The following SLC24A4 variants were observed in gnomAD, a reference collection of about 807,000 sequenced individuals.
SLC24A4 encodes the protein sodium/potassium/calcium exchanger 4.
SLC24A4 carries 53 observed loss-of-function variants against 79.0 expected under a neutral mutation model. The observed-to-expected ratio is 0.67, with a 90% CI of 0.54 to 0.84. SLC24A4 has a LOEUF of 0.84. Ranked by LOEUF, SLC24A4 falls within the 40% of genes least tolerant of loss-of-function variation. The probability of loss-of-function intolerance (pLI) is 0.00; values close to 1 mark genes in which losing one functional copy is unlikely to be tolerated. For missense variants in SLC24A4, 731 were observed against 822.0 expected, an observed-to-expected ratio of 0.89 and a Z score of 1.35; for synonymous variants, 323 against 323.8, an observed-to-expected ratio of 1.00 and a Z score of 0.03.
intron 2 of SLC24A4, among the ~76,000 whole-genome samples, chr14:92,399,279 C>T (rs1161649145): frequency 6.6e-6 from 1 of 152,170 alleles, no homozygotes; most frequent in Non-Finnish European, 1.5e-5. Flanking sequence ...GGCCGAGTCT[C>T]ACCTTGATTT....
In SLC24A4 at chr14:92,398,917, C is replaced by T. The variant is rs1026378465; in HGVS notation, c.242-34995C>T. Among the ~76,000 whole-genome samples the T allele has an allele frequency of 3.9e-5, 6 of 152,156 alleles. No individual in the cohort carries two copies. The highest frequency in any genetic ancestry group is 1.9e-4 in the East Asian group (1 of 5,200). ...GGATTGGATCTTCAAGGACAAGGAC[C>T]GTGTTGGTTTAAATCTGATGACACA... On this transcript the variant is annotated intron_variant, in intron 2 of 16. Coordinates refer to ENST00000532405, the MANE Select transcript of SLC24A4 (RefSeq NM_153646.4). This position sits in a 1 kb window ranked among gnomAD's most constrained non-coding sequence, Gnocchi z 4.1.
chr14:92,328,019 A>G (rs8011575), intron 2 of SLC24A4, among the ~76,000 whole-genome samples: 3,108 of 152,310 alleles, frequency 0.02, 98 homozygotes, highest in African/African-American at 0.07. Flanking sequence ...GTTTTTGCCA[A>G]GACAAGATAC....
chr14:92,382,659 G>A (rs1448444597), intron 2 of SLC24A4, among the ~76,000 whole-genome samples: 1 of 152,168 alleles, frequency 6.6e-6, no homozygotes, highest in African/African-American at 2.4e-5. Context: ...AGCAGGAACT[G>A]GAACCTATGT....
At chr14:92,430,901 C>T (rs57557729) in intron 2 of SLC24A4, among the ~76,000 whole-genome samples, 31,276 of 152,200 alleles carry the variant, frequency 0.21, 3,571 homozygotes, top group Non-Finnish European at 0.24. Flanking sequence ...CCTCCCTCCT[C>T]CCTGGTGGGG....
chr14:92,366,960 C>T (rs1887879746), intron 2 of SLC24A4, among the ~76,000 whole-genome samples: 1 of 152,154 alleles, frequency 6.6e-6, no homozygotes, highest in East Asian at 1.9e-4. Context: ...GTTCTGGGGT[C>T]AGTGCCTTCC....
chr14:92,416,726 G>A lies in SLC24A4; in HGVS notation c.242-17186G>A, dbSNP rs528333747. 1.2e-4 allele frequency among the ~76,000 whole-genome samples: 19 copies of A among 152,298 alleles called. 1 individual carries two copies. The Middle Eastern group carries it at 0.014, about 109-fold the overall frequency. On this transcript the variant is annotated intron_variant, in intron 2 of 16. Transcript: ENST00000532405. ...GCTTTTGTGGAAACTAAGGAACGAT[G>A]TAATTTTCCACAAGCTCACAAAGGA...
rs1566794991 is a variant in SLC24A4, at chr14:92,474,679, AT to A, written c.1256-8000del. 3.5e-3 allele frequency among the ~76,000 whole-genome samples: 343 copies of A among 97,590 alleles called. 3 individuals are homozygous for A. The highest frequency in any genetic ancestry group is 0.011 in the African/African-American group (311 of 29,536). The allele number at this position is 97,590 out of a possible 152,430, so 64.0% of individuals were successfully genotyped here. On this transcript the variant is annotated intron_variant, in intron 12 of 16. Coordinates refer to ENST00000532405, the MANE Select transcript of SLC24A4 (RefSeq NM_153646.4). Reference sequence around the variant, plus strand: ...TTTGTGTGTGTGTGTATATATATATATACACATATATATGTATATATACGTG... The same window carrying A: ...TTTGTGTGTGTGTGTATATATATATAACACATATATATGTATATATACGTG...
intron 2 of SLC24A4, among the ~76,000 whole-genome samples, chr14:92,336,480 G>C (rs1026067275): frequency 6.6e-6 from 1 of 152,198 alleles, no homozygotes; most frequent in African/African-American, 2.4e-5. Flanking sequence ...AGGTGGGAAC[G>C]CATGGCCGCC....
intron 3 of SLC24A4, among the ~76,000 whole-genome samples, chr14:92,437,489 A>G (rs1302033446): frequency 6.6e-6 from 1 of 152,246 alleles, no homozygotes; most frequent in African/African-American, 2.4e-5. Context: ...ATAGAAAACC[A>G]TTTTAAAACT....
intron 2 of SLC24A4, among the ~76,000 whole-genome samples, chr14:92,416,168 G>A (rs922366105): frequency 2.0e-5 from 3 of 151,500 alleles, no homozygotes; most frequent in Non-Finnish European, 4.4e-5. Flanking sequence ...AGTGACTTTT[G>A]TGGTGTCAGC....
At chr14:92,454,867 G>A (rs1472129949) in intron 11 of SLC24A4, among the ~76,000 whole-genome samples, 1 of 151,858 alleles carries the variant, frequency 6.6e-6, no homozygotes, top group African/African-American at 2.4e-5. Context: ...GGTCCAATTC[G>A]GTAAAATTTG....
chr14:92,335,443 C>A (rs1885730350), intron 2 of SLC24A4, among the ~76,000 whole-genome samples: 1 of 152,160 alleles, frequency 6.6e-6, no homozygotes, highest in Admixed American at 6.5e-5. Flanking sequence ...CAACCTCTGC[C>A]TCCCGGGTTC....
rs1009531756 is a variant in SLC24A4, at chr14:92,472,360, A to G, written c.1256-10320A>G. Among the ~76,000 whole-genome samples the G allele has an allele frequency of 4.6e-5, 7 of 152,270 alleles. No individual in the cohort carries two copies. The East Asian group carries it at 1.2e-3, about 25-fold the overall frequency. ...TTCGTGCACGCATCACCCAAGCAGT[A>G]CATACTGAACCCAATTTGTCATCTT... On this transcript the variant is annotated intron_variant, in intron 12 of 16. Transcript: ENST00000532405.
intron 2 of SLC24A4, among the ~76,000 whole-genome samples, chr14:92,404,639 C>G (rs369593069): frequency 1.3e-5 from 2 of 152,196 alleles, no homozygotes; most frequent in Non-Finnish European, 2.9e-5. Context: ...GCAAATAACA[C>G]CTCCTAGTGA....
At chr14:92,419,273 G>A (rs1254874139) in intron 2 of SLC24A4, among the ~76,000 whole-genome samples, 1 of 152,180 alleles carries the variant, frequency 6.6e-6, no homozygotes, top group Non-Finnish European at 1.5e-5. Flanking sequence ...GAAGGGAGGT[G>A]TCATTCCAGC....
intron 12 of SLC24A4, among the ~76,000 whole-genome samples, chr14:92,479,890 A>G (rs1894965651): frequency 6.6e-6 from 1 of 152,156 alleles, no homozygotes; most frequent in South Asian, 2.1e-4. Flanking sequence ...TTTTAAATCT[A>G]TTCAGATTTT....
intron 12 of SLC24A4, among the ~76,000 whole-genome samples, chr14:92,460,955 G>T (rs536289067): frequency 2.0e-5 from 3 of 152,318 alleles, no homozygotes; most frequent in African/African-American, 7.2e-5. Flanking sequence ...ACTTTAGACT[G>T]CAGAGGCTGG....
chr14:92,484,464 A>C lies in SLC24A4; in HGVS notation c.1422+1618A>C, dbSNP rs551317510. On this transcript the variant is annotated intron_variant, in intron 13 of 16. Transcript: ENST00000532405. ...CTTAGAGCTCTGTATCCCAAAAGGA[A>C]GCTCAGGACGGACTCTGTGACTCCT... The C allele has an allele frequency of 1.3e-5, 13 of 985,316 alleles. No individual in the cohort carries two copies. In the Admixed American group the frequency reaches 1.8e-4, roughly 14 times the overall value. The allele number at this position is 985,316 out of a possible 1,614,324, so 61.0% of individuals were successfully genotyped here.
intron 2 of SLC24A4, among the ~76,000 whole-genome samples, chr14:92,394,918 C>T (rs115088642): frequency 5.3e-5 from 8 of 152,212 alleles, no homozygotes; most frequent in African/African-American, 1.9e-4. Context: ...AGCACGTTTC[C>T]CACCTTCCTC....
Sources: gnomAD v4.1 joint callset for allele counts (sites outside exome capture counted in the v4.1 genomes callset) on GRCh38, gnomAD v4.1.1 for gene constraint, Gnocchi (gnomAD v3.1) non-coding constraint, MANE v1.5 for transcripts, NCBI Gene and HGNC (gene_info 2026-07-23, HGNC 2026-07-21) for gene names.